Variants in SEMA6D observed in about 807,000 individuals in gnomAD.
SEMA6D encodes semaphorin-6D.
A neutral mutation model predicts 106.6 loss-of-function variants in SEMA6D; 35 were observed. The observed-to-expected ratio is 0.33, with a 90% CI of 0.25 to 0.44. The LOEUF (loss-of-function observed/expected upper bound fraction) is 0.44. Ranked by LOEUF, SEMA6D falls within the 20% of genes least tolerant of loss-of-function variation. SEMA6D has a pLI of 1.00. For missense variants in SEMA6D, 1,185 were observed against 1,345.9 expected (o/e 0.88, Z 1.87); for synonymous variants, 499 against 487.7 (o/e 1.02, Z -0.31).
chr15:47,586,688 C>A (rs537344534), intron 3 of SEMA6D, among the ~76,000 whole-genome samples: 1 of 152,156 alleles, frequency 6.6e-6, no homozygotes, highest in African/African-American at 2.4e-5. Context: ...CATACCCCAA[C>A]AGCTGGCTCA....
chr15:47,540,044 C>CTGTGTG (rs34146724), intron 3 of SEMA6D, among the ~76,000 whole-genome samples: 9 of 150,580 alleles, frequency 6.0e-5, no homozygotes, highest in African/African-American at 1.7e-4. Context: ...TTATATTTAG[C>CTGTGTG]TGTGTGTGTG....
At chr15:47,590,805 C>T (rs1194674639) in intron 3 of SEMA6D, among the ~76,000 whole-genome samples, 1 of 152,198 alleles carries the variant, frequency 6.6e-6, no homozygotes, top group Non-Finnish European at 1.5e-5. Context: ...ACCCAGAGTT[C>T]AGAGGGAACA....
chr15:47,319,644 C>G (rs1380341889), intron 1 of SEMA6D, among the ~76,000 whole-genome samples: 2 of 152,062 alleles, frequency 1.3e-5, no homozygotes, highest in African/African-American at 4.8e-5. Flanking sequence ...TGATAAAACC[C>G]CAGCAGGTTA....
chr15:47,742,308 G>T (rs1454782704), intron 1 of SEMA6D, among the ~76,000 whole-genome samples: 1 of 151,938 alleles, frequency 6.6e-6, no homozygotes. Context: ...AAAAACCATG[G>T]TGAAAGAGGG....
chr15:47,470,354 A>C (rs970815904), intron 2 of SEMA6D: 7 of 149,524 alleles, frequency 4.7e-5, no homozygotes, highest in African/African-American at 1.8e-4. Context: ...TATCAACTGG[A>C]ATTATGAACC....
chr15:47,513,014 C>G (rs895426461), intron 3 of SEMA6D, among the ~76,000 whole-genome samples: 10 of 152,154 alleles, frequency 6.6e-5, no homozygotes, highest in Non-Finnish European at 1.5e-4. Flanking sequence ...GCATAAAACA[C>G]TGTCATTACC....
chr15:47,562,833 T>C (rs1259529355), intron 3 of SEMA6D, among the ~76,000 whole-genome samples: 1 of 152,134 alleles, frequency 6.6e-6, no homozygotes, highest in East Asian at 1.9e-4. Context: ...AATTCAGTAA[T>C]CTACCTAAGA....
intron 1 of SEMA6D, among the ~76,000 whole-genome samples, chr15:47,246,160 A>G (rs1342541919): frequency 6.6e-6 from 1 of 152,210 alleles, no homozygotes; most frequent in Non-Finnish European, 1.5e-5. Context: ...AAAAATGTAT[A>G]GTGAGTGACT....
intron 3 of SEMA6D, among the ~76,000 whole-genome samples, chr15:47,508,483 C>T (rs1477783517): frequency 6.6e-6 from 1 of 152,120 alleles, no homozygotes; most frequent in Admixed American, 6.5e-5. Flanking sequence ...CTGTGTCCTG[C>T]CCACATATGT....
chr15:47,238,173 G>T (rs908606842), intron 1 of SEMA6D, among the ~76,000 whole-genome samples: 3 of 152,058 alleles, frequency 2.0e-5, no homozygotes, highest in Non-Finnish European at 4.4e-5. Flanking sequence ...TTCATGAGAG[G>T]TTGCAGGAAG....
intron 1 of SEMA6D, among the ~76,000 whole-genome samples, chr15:47,365,181 C>T (rs2038967112): frequency 6.6e-6 from 1 of 152,208 alleles, no homozygotes; most frequent in South Asian, 2.1e-4. Flanking sequence ...TGCTGATCAT[C>T]AGGCCTTAAG....
chr15:47,535,217 A>G (rs373714787), intron 3 of SEMA6D, among the ~76,000 whole-genome samples: 4 of 152,178 alleles, frequency 2.6e-5, no homozygotes, highest in African/African-American at 9.7e-5. Flanking sequence ...TGCTTATGTG[A>G]TGCTTACTTA....
intron 4 of SEMA6D, among the ~76,000 whole-genome samples, chr15:47,637,480 A>C (rs1015726386): frequency 6.6e-6 from 1 of 152,102 alleles, no homozygotes; most frequent in Non-Finnish European, 1.5e-5. Context: ...TTTCTAGCGT[A>C]TCAATCAATA....
Position 47,408,912 on chromosome 15 carries a change from A to G in SEMA6D, c.-238-3481A>G, listed in dbSNP as rs902509719. ...AGTGCAGCAGAGCTTGCAGGAGGCT[A>G]TAGTTCCCCACTGGACACTCATCTG... On this transcript the variant is annotated intron_variant, in intron 1 of 19. Coordinates refer to the SEMA6D transcript ENST00000558014. 5.3e-5 allele frequency among the ~76,000 whole-genome samples: 8 copies of G among 152,192 alleles called. No homozygotes were observed. The South Asian group carries it at 6.2e-4, about 12-fold the overall frequency.
intron 2 of SEMA6D, among the ~76,000 whole-genome samples, chr15:47,456,671 C>T (rs138215161): frequency 5.3e-5 from 8 of 152,054 alleles, no homozygotes; most frequent in South Asian, 2.1e-4. Context: ...TTTTAGGATA[C>T]GCAATAGGCA....
rs149069040 is a variant in SEMA6D, at chr15:47,692,150, C to T, written c.-54-67595C>T. Reference sequence around the variant, plus strand: ...TTTAAGAGCTATGGGTGTTTAATAGCCAAAACTGTTTAGGAGGCTTATATG... The same window carrying T: ...TTTAAGAGCTATGGGTGTTTAATAGTCAAAACTGTTTAGGAGGCTTATATG... On this transcript the variant is annotated intron_variant, in intron 4 of 19. Transcript: ENST00000558014. Among the ~76,000 whole-genome samples the T allele has an allele frequency of 4.2e-3, 632 of 152,238 alleles. 4 individuals are homozygous for T. Among genetic ancestry groups the T allele is most frequent in the African/African-American group, 0.015 (613 of 41,548 alleles).
At chr15:47,397,284 A>T (rs1421631412) in intron 1 of SEMA6D, among the ~76,000 whole-genome samples, 1 of 152,242 alleles carries the variant, frequency 6.6e-6, no homozygotes, top group Non-Finnish European at 1.5e-5. Context: ...TACCAATCAG[A>T]AATTAGTCTG....
chr15:47,483,024 CAATG>C (rs2043195937), intron 3 of SEMA6D, among the ~76,000 whole-genome samples: 1 of 151,882 alleles, frequency 6.6e-6, no homozygotes, highest in East Asian at 1.9e-4. Context: ...GAAAGACAAA[CAATG>C]AACAAATGAT....
intron 1 of SEMA6D, among the ~76,000 whole-genome samples, chr15:47,207,229 A>G (rs144282075): frequency 1.7e-3 from 264 of 152,280 alleles, no homozygotes; most frequent in African/African-American, 5.6e-3. Flanking sequence ...TAATCTCTCC[A>G]TTGACTTGCA....
Sources: allele counts gnomAD v4.1 joint callset (sites outside exome capture counted in the v4.1 genomes callset), GRCh38; gene constraint gnomAD v4.1.1; transcripts MANE v1.5; gene names NCBI Gene and HGNC (gene_info 2026-07-23, HGNC 2026-07-21).